ASXL3: variants seen among roughly 807,000 people sequenced by gnomAD.
ASXL3 encodes ASXL transcriptional regulator 3, also known as putative Polycomb group protein ASXL3.
Under a neutral mutation model 170.6 loss-of-function variants are expected in ASXL3, and 34 were observed. That is an observed-to-expected ratio of 0.20 (90% confidence interval 0.15 to 0.27). ASXL3 has a LOEUF of 0.27. ASXL3 is among the 10% of genes least tolerant of loss of function. The pLI, the probability that ASXL3 is intolerant of heterozygous loss-of-function variation, is 1.00. For missense variants in ASXL3, 2,592 were observed against 2,695.3 expected (o/e 0.96, Z 0.85); for synonymous variants, 1,002 against 989.1 (o/e 1.01, Z -0.24).
intron 8 of ASXL3, among the ~76,000 whole-genome samples, chr18:33,697,474 T>C (rs2066791013): frequency 1.3e-5 from 2 of 152,014 alleles, no homozygotes; most frequent in Non-Finnish European, 2.9e-5. Context: ...TTTGATGCAG[T>C]TGAATTTTTG....
intron 2 of ASXL3, among the ~76,000 whole-genome samples, chr18:33,631,395 C>T (rs1361478529): frequency 2.0e-5 from 3 of 152,044 alleles, no homozygotes; most frequent in Non-Finnish European, 2.9e-5. Context: ...GTCTTTGCAT[C>T]TCATTCTTGA....
At chr18:33,674,044 C>G (rs1235745750) in intron 7 of ASXL3, among the ~76,000 whole-genome samples, 1 of 152,216 alleles carries the variant, frequency 6.6e-6, no homozygotes, top group East Asian at 1.9e-4. Context: ...TTTAATTTTA[C>G]TTCAGTTTTG....
chr18:33,745,671 C>G lies in ASXL3; in HGVS notation c.5823C>G (p.Pro1941=). The part of the protein sequence containing the change: ...FYQMPVAARG[P]IPTAALLQAS... ...AAATGCCTGTGGCTGCCAGGGGCCC[C>G]ATTCCTACTGCAGCTCTGTTACAGG... Residue 1941 remains proline, a synonymous_variant, in exon 12 of 12, where the codon CCC becomes CCG. Transcript: ENST00000269197. 6.2e-7 allele frequency: 1 copy of G among 1,613,974 alleles called. No homozygotes were observed. Among genetic ancestry groups the G allele is most frequent in the Non-Finnish European group, 8.5e-7 (1 of 1,179,882 alleles).
intron 8 of ASXL3, among the ~76,000 whole-genome samples, chr18:33,688,352 C>G (rs533530000): frequency 3.9e-5 from 6 of 152,276 alleles, no homozygotes; most frequent in African/African-American, 1.4e-4. Flanking sequence ...TTAACAGCGC[C>G]TGTTGAAGAC....
chr18:33,584,967 G>A (rs1409765463), intron 1 of ASXL3, among the ~76,000 whole-genome samples: 1 of 151,522 alleles, frequency 6.6e-6, no homozygotes, highest in Admixed American at 6.6e-5. Context: ...AAACAATATG[G>A]GTGTTTAAAG....
intron 1 of ASXL3, among the ~76,000 whole-genome samples, chr18:33,596,019 A>C (rs2065123019): frequency 6.6e-6 from 1 of 151,978 alleles, no homozygotes; most frequent in African/African-American, 2.4e-5. Flanking sequence ...TTGTCAATTC[A>C]TTGTCTTCTT....
intron 8 of ASXL3, among the ~76,000 whole-genome samples, chr18:33,691,719 A>G (rs2066689156): frequency 6.6e-6 from 1 of 152,168 alleles, no homozygotes; most frequent in Non-Finnish European, 1.5e-5. Context: ...CTATGGGAAC[A>G]TAGAGGAGAT....
At chr18:33,721,262 G>A (rs1032218235) in intron 8 of ASXL3, among the ~76,000 whole-genome samples, 1 of 151,958 alleles carries the variant, frequency 6.6e-6, no homozygotes, top group South Asian at 2.1e-4. Context: ...GGGATCAGGA[G>A]GATAGTTCTC....
In ASXL3 at chr18:33,661,790, A is replaced by G. The variant is rs956882936; in HGVS notation, c.477+53A>G. ...CCTTCAGTTCTGCATACTTAAGGTA[A>G]TGTGTGTTTTGCTGATCAAGTAAAC... On this transcript the variant is annotated intron_variant, in intron 5 of 11. Transcript: ENST00000269197. The G allele has an allele frequency of 3.2e-6, 5 of 1,567,806 alleles. No homozygotes were observed. The African/African-American group carries it at 4.1e-5, about 13-fold the overall frequency.
At chr18:33,596,947 C>G (rs2065132741) in intron 1 of ASXL3, among the ~76,000 whole-genome samples, 2 of 152,080 alleles carry the variant, frequency 1.3e-5, no homozygotes, top group South Asian at 2.1e-4. Context: ...TCCTAAGTAG[C>G]TAGGACTAGC....
At chr18:33,632,351 C>T (rs1261332693) in intron 2 of ASXL3, among the ~76,000 whole-genome samples, 1 of 152,050 alleles carries the variant, frequency 6.6e-6, no homozygotes, top group African/African-American at 2.4e-5. Flanking sequence ...ACTCTACAAC[C>T]ATGACAATCA....
In ASXL3 at chr18:33,739,685, A is replaced by C; in HGVS notation, c.2281A>C (p.Asn761His). ...ATCTCCAATTTCCAACTCTTCCATA[A>C]ATGAGAGAATGGCACATCAGCAAAG... is the stretch of plus-strand genomic sequence containing the variant. ...ETSPISNSSI[N>H]ERMAHQQRKS... The change falls in exon 11 of 12, where the codon AAT becomes CAT. Residue 761 changes from asparagine to histidine, a missense_variant. Physicochemically the swap from Asn to His is moderately conservative, Grantham distance 68. This residue lies in a region of ASXL3 where 2,246 missense variants were observed against 2,219.6 expected (regional missense o/e 1.01). Transcript: ENST00000269197. 1 of 1,613,882 alleles carries C rather than the reference A, an allele frequency of 6.2e-7. No individual in the cohort carries two copies. Among genetic ancestry groups the C allele is most frequent in the Non-Finnish European group, 8.5e-7 (1 of 1,179,864 alleles).
chr18:33,579,616 T>G (rs1381634476), intron 1 of ASXL3, among the ~76,000 whole-genome samples: 1 of 152,178 alleles, frequency 6.6e-6, no homozygotes, highest in Non-Finnish European at 1.5e-5. Context: ...CTTTCTTTCT[T>G]TTTTCTTCCT....
Position 33,746,758 on chromosome 18 carries a change from G to T in ASXL3, c.*163G>T. 8.5e-7 allele frequency: 1 copy of T among 1,174,830 alleles called. No homozygotes were observed. The highest frequency in any genetic ancestry group is 2.6e-5 in the East Asian group (1 of 38,466). 72.8% of individuals were successfully genotyped at this position (1,174,830 alleles called of 1,614,324 possible). A position where few individuals can be genotyped will look rare whatever the true frequency, so the allele number is the denominator to read the frequency against. ...TTATTTTCTTGCATTTCTCATAAAGGGGAGGATGCATCCCAACTGAATGGC... is the reference window on the plus strand; with the variant it reads ...TTATTTTCTTGCATTTCTCATAAAGTGGAGGATGCATCCCAACTGAATGGC... On this transcript the variant is annotated 3_prime_UTR_variant, in exon 12 of 12. Coordinates refer to ENST00000269197, the MANE Select transcript of ASXL3 (RefSeq NM_030632.3).
rs773757490 is a variant in ASXL3, at chr18:33,670,667, T to C, written c.478-6T>C. The C allele has an allele frequency of 1.9e-5, 29 of 1,528,638 alleles. No homozygotes were observed. In the South Asian group the frequency reaches 2.3e-4, roughly 12 times the overall value. The allele number at this position is 1,528,638 out of a possible 1,614,324, so 94.7% of individuals were successfully genotyped here. ...TTATGTTATATCTTTTTATTATGTT[T>C]TGTAGGCTTTGAGGCAGCAGCAGAA... On this transcript the variant is annotated splice_polypyrimidine_tract_variant and splice_region_variant and intron_variant, in intron 5 of 11. Coordinates refer to ENST00000269197, the MANE Select transcript of ASXL3 (RefSeq NM_030632.3).
Position 33,744,563 on chromosome 18 carries a change from C to A in ASXL3, c.4715C>A (p.Pro1572Gln). The A allele has an allele frequency of 6.2e-7, 1 of 1,611,192 alleles. No homozygotes were observed. Among genetic ancestry groups the A allele is most frequent in the Non-Finnish European group, 8.5e-7 (1 of 1,179,056 alleles). The change falls in exon 12 of 12, where the codon CCG (proline) becomes CAG (glutamine). Residue 1572 changes from proline to glutamine, a missense_variant. Transcript: ENST00000269197. ...CTTGTTCCAGATAAATTAAATGAGC[C>A]GACTGCTCCCAGTCATAACTTTGCT... is the stretch of plus-strand genomic sequence containing the variant. ...LPLVPDKLNE[P>Q]TAPSHNFAEQ...
intron 1 of ASXL3, among the ~76,000 whole-genome samples, chr18:33,589,659 C>T (rs1487051167): frequency 6.6e-6 from 1 of 152,106 alleles, no homozygotes; most frequent in African/African-American, 2.4e-5. Context: ...TTTATATGTG[C>T]TAGTAAACTA....
At chr18:33,724,054 T>G (rs1178877290) in intron 8 of ASXL3, among the ~76,000 whole-genome samples, 1 of 152,198 alleles carries the variant, frequency 6.6e-6, no homozygotes, top group Non-Finnish European at 1.5e-5. Flanking sequence ...AGCTTTTATA[T>G]GTACTGGGAA....
chr18:33,732,658 C>T (rs2067471172), intron 9 of ASXL3, among the ~76,000 whole-genome samples: 1 of 151,986 alleles, frequency 6.6e-6, no homozygotes. Context: ...GAGTGAAGAC[C>T]AGCCTAAGCA....
Sources: allele counts gnomAD v4.1 joint callset (sites outside exome capture counted in the v4.1 genomes callset), GRCh38; gene constraint gnomAD v4.1.1; regional missense constraint gnomAD v4.1.1; transcripts MANE v1.5; gene names NCBI Gene and HGNC (gene_info 2026-07-23, HGNC 2026-07-21).